The following EIF2B3 variants were observed in gnomAD, a reference collection of about 807,000 sequenced individuals.
EIF2B3 encodes the protein translation initiation factor eIF2B subunit gamma.
EIF2B3 carries 20 observed loss-of-function variants against 54.1 expected under a neutral mutation model. The ratio of observed to expected loss-of-function variants is 0.37; its 90% confidence interval spans 0.26 to 0.54. The LOEUF (loss-of-function observed/expected upper bound fraction) is 0.54, where lower values mean the gene tolerates loss of function less well. Among genes scored for constraint, EIF2B3 ranks in the 20% least tolerant of loss-of-function variants. The pLI is 0.86. For missense variants in EIF2B3, 448 were observed against 547.8 expected, an observed-to-expected ratio of 0.82 and a Z score of 1.82; for synonymous variants, 153 against 188.1, an observed-to-expected ratio of 0.81 and a Z score of 1.52.
intron 6 of EIF2B3, among the ~76,000 whole-genome samples, chr1:44,884,234 G>GA (rs1655503884): frequency 6.6e-6 from 1 of 152,194 alleles, no homozygotes; most frequent in Non-Finnish European, 1.5e-5. Flanking sequence ...CTGGAATAAG[G>GA]AAACTGAAGA....
At chr1:44,857,654 G>A (rs1264974797) in intron 11 of EIF2B3, 50 bp downstream of exon 11, 11 of 1,542,588 alleles carry the variant, frequency 7.1e-6, no homozygotes, top group Middle Eastern at 1.7e-4. Flanking sequence ...GGCATTATCA[G>A]TGCTGGTGTG....
At chr1:44,979,844 T>C (rs1272873084) in intron 2 of EIF2B3, among the ~76,000 whole-genome samples, 1 of 152,040 alleles carries the variant, frequency 6.6e-6, no homozygotes, top group African/African-American at 2.4e-5. Context: ...TACACGCCTG[T>C]AGTCCCAGGT....
chr1:44,950,597 T>C (rs1644149892), intron 3 of EIF2B3, among the ~76,000 whole-genome samples: 1 of 152,138 alleles, frequency 6.6e-6, no homozygotes, highest in Non-Finnish European at 1.5e-5. Flanking sequence ...AACTATTGAA[T>C]TATTTAAATT....
In EIF2B3 at chr1:44,930,724, T is replaced by C. The variant is rs148373724; in HGVS notation, c.455-3985A>G. On this transcript the variant is annotated intron_variant, in intron 4 of 11. Coordinates refer to ENST00000360403, the MANE Select transcript of EIF2B3 (RefSeq NM_020365.5). ...GGTGCAACCTTGGCTCACTGCAACC[T>C]CCGCCTCTCGGGTTCAAGCAATTCT... Among the ~76,000 whole-genome samples, 756 of 152,322 alleles carry C rather than the reference T, an allele frequency of 5.0e-3. 4 individuals are homozygous for C. The highest frequency in any genetic ancestry group is 8.1e-3 in the East Asian group (42 of 5,182).
intron 11 of EIF2B3, among the ~76,000 whole-genome samples, chr1:44,853,070 CTG>C (rs1163070639): frequency 1.3e-5 from 2 of 152,024 alleles, no homozygotes; most frequent in South Asian, 2.1e-4. Context: ...GAGAGGAAGA[CTG>C]TGAACCACAG....
chr1:44,897,425 G>A lies in EIF2B3; in HGVS notation c.586C>T (p.His196Tyr). 2 of 1,612,740 alleles carry A rather than the reference G, an allele frequency of 1.2e-6. No homozygotes were observed. Among genetic ancestry groups the A allele is most frequent in the Non-Finnish European group, 1.7e-6 (2 of 1,179,552 alleles). Residue 196 changes from histidine to tyrosine, a missense_variant, in exon 6 of 12, where the codon CAC becomes TAC. By Grantham distance (83) the His-to-Tyr change is moderately conservative. Around this residue, in one of 3 missense-constraint regions of EIF2B3, gnomAD observed 350 missense variants for 414.2 expected, o/e 0.85. Coordinates refer to ENST00000360403, the MANE Select transcript of EIF2B3 (RefSeq NM_020365.5). ...AGGTGGGCATCCACAAGACCCGTGT[G>A]GAAACGTATTCTAGGATGCCTGCAA... Reference protein sequence around the residue: ...ILQKHPRIRFHTGLVDAHLYC... With the variant: ...ILQKHPRIRFYTGLVDAHLYC...
intron 3 of EIF2B3, among the ~76,000 whole-genome samples, chr1:44,972,266 C>CGT (rs1460890197): frequency 1.5e-4 from 14 of 92,946 alleles, no homozygotes; most frequent in South Asian, 6.6e-4. Context: ...CACACACACA[C>CGT]ATATACACAC....
chr1:44,957,815 C>T (rs1644243272), intron 3 of EIF2B3, among the ~76,000 whole-genome samples: 1 of 152,136 alleles, frequency 6.6e-6, no homozygotes, highest in East Asian at 1.9e-4. Context: ...GCTACCATTT[C>T]TCACCAATTA....
At chr1:44,853,367 C>T (rs553622693) in intron 11 of EIF2B3, among the ~76,000 whole-genome samples, 10 of 152,050 alleles carry the variant, frequency 6.6e-5, no homozygotes, top group South Asian at 4.2e-4. Flanking sequence ...TCCAGCACTT[C>T]GGGAGGCCAA....
intron 3 of EIF2B3, among the ~76,000 whole-genome samples, chr1:44,944,636 A>C (rs1254095887): frequency 6.6e-6 from 1 of 152,174 alleles, no homozygotes; most frequent in African/African-American, 2.4e-5. Flanking sequence ...CTAAAAATAC[A>C]TAAAACATTT....
At position 44,951,954 on chromosome 1, in the gene EIF2B3, A is replaced by ATTTTTTTTTTTTTTTTTTTTTTTTTTTTT. The variant is rs1171020644; in HGVS notation, c.295-10290_295-10289insAAAAAAAAAAAAAAAAAAAAAAAAAAAAA. Among the ~76,000 whole-genome samples the ATTTTTTTTTTTTTTTTTTTTTTTTTTTTT allele has an allele frequency of 1.6e-4, 7 of 44,652 alleles. 3 individuals are homozygous for ATTTTTTTTTTTTTTTTTTTTTTTTTTTTT. The Admixed American group carries it at 1.6e-3, about 10-fold the overall frequency. 29.3% of individuals were successfully genotyped at this position (44,652 alleles called of 152,430 possible). On this transcript the variant is annotated intron_variant, in intron 3 of 11. Transcript: ENST00000360403. ...AGGGGCGCACCACCATGCCTGGCTA[A>ATTTTTTTTTTTTTTTTTTTTTTTTTTTTT]TTTTTTTTTTTTTTTTTTTTTTTTT...
intron 3 of EIF2B3, among the ~76,000 whole-genome samples, chr1:44,951,216 A>G (rs1446702520): frequency 6.6e-6 from 1 of 152,188 alleles, no homozygotes; most frequent in Non-Finnish European, 1.5e-5. Flanking sequence ...AAAATATCAT[A>G]TTAATTCATG....
At chr1:44,941,692 A>G (rs762424980) in intron 3 of EIF2B3, 27 bp from the exon 4 acceptor site, 9 of 1,613,994 alleles carry the variant, frequency 5.6e-6, no homozygotes, top group East Asian at 2.2e-5. Flanking sequence ...GGAAAAGTCA[A>G]TATCATAAAG....
intron 3 of EIF2B3, among the ~76,000 whole-genome samples, chr1:44,975,205 G>C (rs1027000040): frequency 3.3e-5 from 5 of 151,926 alleles, no homozygotes; most frequent in African/African-American, 1.2e-4. Context: ...GACAGAGCAA[G>C]GCTGTCTCAA....
chr1:44,876,598 G>T (rs1266072120), intron 8 of EIF2B3, among the ~76,000 whole-genome samples: 1 of 34,080 alleles, frequency 2.9e-5, no homozygotes, highest in Non-Finnish European at 5.2e-5. Flanking sequence ...CACCCGGCCA[G>T]CCGCCCCATC....
At chr1:44,863,418 A>G (rs1278255360) in intron 10 of EIF2B3, among the ~76,000 whole-genome samples, 1 of 152,148 alleles carries the variant, frequency 6.6e-6, no homozygotes, top group Non-Finnish European at 1.5e-5. Flanking sequence ...TCTTTTTGGT[A>G]GAGATGGAAT....
chr1:44,898,857 A>T (rs1557676359), intron 5 of EIF2B3, among the ~76,000 whole-genome samples: 1 of 151,968 alleles, frequency 6.6e-6, no homozygotes, highest in Non-Finnish European at 1.5e-5. Flanking sequence ...CAGCTGGCTA[A>T]TTTTTTTTAT....
At chr1:44,900,616 AC>A (rs1643271309) in intron 5 of EIF2B3, among the ~76,000 whole-genome samples, 1 of 152,136 alleles carries the variant, frequency 6.6e-6, no homozygotes. Flanking sequence ...CATGTAACAT[AC>A]TTGCACATCT....
intron 5 of EIF2B3, among the ~76,000 whole-genome samples, chr1:44,904,103 A>C (rs566043488): frequency 3.3e-5 from 5 of 151,928 alleles, no homozygotes; most frequent in Non-Finnish European, 2.9e-5. Flanking sequence ...AAACAAAAAA[A>C]CCCAAAAAAC....
Sources: allele counts gnomAD v4.1 joint callset (sites outside exome capture counted in the v4.1 genomes callset), GRCh38; gene constraint gnomAD v4.1.1; regional missense constraint gnomAD v4.1.1; transcripts MANE v1.5; gene names NCBI Gene and HGNC (gene_info 2026-07-23, HGNC 2026-07-21).